HS2ST1: variants seen among roughly 807,000 people sequenced by gnomAD.
The protein encoded by HS2ST1 is heparan sulfate 2-O-sulfotransferase 1, also known as 2-O-sulfotransferase.
HS2ST1 carries 18 observed loss-of-function variants against 42.9 expected under a neutral mutation model. The observed-to-expected ratio is 0.42, with a 90% confidence interval of 0.29 to 0.62. HS2ST1 has a LOEUF of 0.62. Among genes scored for constraint, HS2ST1 ranks in the 20% least tolerant of loss-of-function variants. The pLI, the probability that HS2ST1 is intolerant of heterozygous loss-of-function variation, is 0.21. For missense variants in HS2ST1, 334 were observed against 433.8 expected (o/e 0.77, Z 2.04); for synonymous variants, 146 against 152.9 (o/e 0.95, Z 0.33).
chr1:86,950,876 C>T (rs1416650485), intron 1 of HS2ST1, among the ~76,000 whole-genome samples: 1 of 152,094 alleles, frequency 6.6e-6, no homozygotes, highest in Non-Finnish European at 1.5e-5. Context: ...ATGCTGTCTG[C>T]TTAGCAGACA....
intron 1 of HS2ST1, chr1:87,064,593 C>CTT: frequency 2.0e-6 from 1 of 506,814 alleles, no homozygotes; most frequent in Non-Finnish European, 3.9e-6. Flanking sequence ...CAGAATCTCT[C>CTT]TACCTTGCAT....
intron 1 of HS2ST1, among the ~76,000 whole-genome samples, chr1:86,948,360 T>C (rs1647399145): frequency 6.6e-6 from 1 of 152,284 alleles, no homozygotes; most frequent in East Asian, 1.9e-4. Flanking sequence ...ATAATCATAG[T>C]GTACAGCAGG....
chr1:86,984,575 G>A (rs1472039049), intron 1 of HS2ST1, among the ~76,000 whole-genome samples: 1 of 152,044 alleles, frequency 6.6e-6, no homozygotes, highest in African/African-American at 2.4e-5. Context: ...GTAGCTTCTT[G>A]TGATTTAAAT....
At chr1:87,097,997 T>A in intron 5 of HS2ST1, 62 bp downstream of exon 5, 1 of 1,608,484 alleles carries the variant, frequency 6.2e-7, no homozygotes, top group Non-Finnish European at 8.5e-7. Context: ...AATCTGTGTT[T>A]CATTTCACAA....
chr1:86,975,404 G>C (rs1418201965), intron 1 of HS2ST1, among the ~76,000 whole-genome samples: 5 of 151,614 alleles, frequency 3.3e-5, no homozygotes, highest in African/African-American at 1.2e-4. Flanking sequence ...TCTTTTCTCT[G>C]ATTGAGATAA....
At chr1:87,040,559 A>G (rs1380590483) in intron 1 of HS2ST1, among the ~76,000 whole-genome samples, 1 of 152,166 alleles carries the variant, frequency 6.6e-6, no homozygotes, top group Non-Finnish European at 1.5e-5. Context: ...CAGGCTAGGC[A>G]TAACTTATCC....
chr1:86,998,016 C>T (rs1310216124), intron 1 of HS2ST1, among the ~76,000 whole-genome samples: 2 of 152,196 alleles, frequency 1.3e-5, no homozygotes, highest in Non-Finnish European at 2.9e-5. Context: ...TGTCCACTAT[C>T]TGAATGAAGC....
intron 1 of HS2ST1, among the ~76,000 whole-genome samples, chr1:86,966,522 T>C (rs1169703452): frequency 6.6e-6 from 1 of 152,264 alleles, no homozygotes; most frequent in African/African-American, 2.4e-5. Flanking sequence ...CGATATTATT[T>C]CTTAGTTGGA....
At chr1:87,084,736 A>T (rs967340249) in intron 3 of HS2ST1, among the ~76,000 whole-genome samples, 2 of 152,052 alleles carry the variant, frequency 1.3e-5, no homozygotes, top group African/African-American at 4.8e-5. Flanking sequence ...ATGATGTATT[A>T]CGAGGCTTTT....
intron 1 of HS2ST1, among the ~76,000 whole-genome samples, chr1:86,938,494 A>T (rs949457757): frequency 3.3e-5 from 5 of 151,732 alleles, no homozygotes; most frequent in Admixed American, 1.3e-4. Context: ...TGAATTTTTG[A>T]TCTCTTTTGA....
At chr1:87,099,945 A>G (rs1314892008) in intron 5 of HS2ST1, among the ~76,000 whole-genome samples, 1 of 152,218 alleles carries the variant, frequency 6.6e-6, no homozygotes, top group East Asian at 1.9e-4. Context: ...CATCTCCTGC[A>G]TCCTGGTGCA....
intron 1 of HS2ST1, among the ~76,000 whole-genome samples, chr1:86,966,645 A>T (rs919628894): frequency 5.9e-5 from 9 of 152,210 alleles, no homozygotes; most frequent in South Asian, 2.1e-4. Flanking sequence ...TAGAGGTCTT[A>T]CAGCCCAGGC....
chr1:87,073,627 T>C (rs1209872431), intron 2 of HS2ST1, among the ~76,000 whole-genome samples: 1 of 152,182 alleles, frequency 6.6e-6, no homozygotes, highest in African/African-American at 2.4e-5. Context: ...AATGTATATA[T>C]AGTTTAGTTG....
intron 1 of HS2ST1, among the ~76,000 whole-genome samples, chr1:87,024,535 A>G (rs1477388995): frequency 1.3e-5 from 2 of 151,950 alleles, no homozygotes; most frequent in African/African-American, 4.8e-5. Context: ...AAAAGAAAGA[A>G]TCAGGCAGAT....
intron 1 of HS2ST1, among the ~76,000 whole-genome samples, chr1:87,007,679 G>A (rs1348444868): frequency 6.6e-6 from 1 of 151,822 alleles, no homozygotes; most frequent in East Asian, 1.9e-4. Flanking sequence ...TCATTCTAAG[G>A]CTACTTCATG....
At chr1:87,097,260 AAC>A (rs950154804) in intron 4 of HS2ST1, among the ~76,000 whole-genome samples, 1 of 152,248 alleles carries the variant, frequency 6.6e-6, no homozygotes, top group African/African-American at 2.4e-5. Flanking sequence ...CATAACACAT[AAC>A]ACATTTAAAA....
At chr1:87,005,692 C>A (rs1407394805) in intron 1 of HS2ST1, among the ~76,000 whole-genome samples, 1 of 152,152 alleles carries the variant, frequency 6.6e-6, no homozygotes, top group African/African-American at 2.4e-5. Context: ...TTCTCTTTTA[C>A]TAGGTGAACT....
intron 1 of HS2ST1, among the ~76,000 whole-genome samples, chr1:86,952,030 T>C (rs184915201): frequency 1.3e-5 from 2 of 152,344 alleles, no homozygotes; most frequent in African/African-American, 2.4e-5. Context: ...ACTTCCTCCA[T>C]TGGAGTCTTG....
At chr1:87,044,720 G>A (rs996924759) in intron 1 of HS2ST1, among the ~76,000 whole-genome samples, 17 of 152,206 alleles carry the variant, frequency 1.1e-4, no homozygotes, top group African/African-American at 3.6e-4. Flanking sequence ...TTTGTTCAAA[G>A]GGTTTTTAAA....
Sources: allele counts gnomAD v4.1 joint callset (sites outside exome capture counted in the v4.1 genomes callset), GRCh38; gene constraint gnomAD v4.1.1; transcripts MANE v1.5; gene names NCBI Gene and HGNC (gene_info 2026-07-23, HGNC 2026-07-21).